Variants in GRK2 observed in about 807,000 individuals in gnomAD.
GRK2 encodes the protein adrenergic beta receptor kinase 1.
In GRK2, 23 loss-of-function variants were observed where a neutral mutation model predicts 97.8. The observed-to-expected ratio is 0.24, with a 90% confidence interval of 0.17 to 0.33. The LOEUF is 0.33. Ranked by LOEUF, GRK2 falls within the 10% of genes least tolerant of loss-of-function variation. The pLI is 1.00. For missense variants in GRK2, 633 were observed against 956.9 expected (o/e 0.66, Z 4.47); for synonymous variants, 425 against 381.7 (o/e 1.11, Z -1.32).
Position 67,284,216 on chromosome 11 carries a change from G to A in GRK2, c.1497G>A (p.Leu499=). ...GCCCCATCCACCTGGTAAAGTTACT[G>A]GACAGTGATCAGGAGCTCTACCGCA... ...DEEDTKGIKL[L]DSDQELYRNF... is the part of the protein sequence containing the mutation. The change falls in exon 18 of 21, where the codon CTG becomes CTA. Residue 499 remains leucine, a synonymous_variant. Transcript: ENST00000308595. The A allele has an allele frequency of 6.2e-7, 1 of 1,613,652 alleles. No homozygotes were observed. The highest frequency in any genetic ancestry group is 8.5e-7 in the Non-Finnish European group (1 of 1,179,988).
At position 67,286,048 on chromosome 11, in the gene GRK2, GC is replaced by G. The variant is rs1468966031; in HGVS notation, c.*599del. 3.5e-6 allele frequency: 1 copy of G among 288,608 alleles called. No individual in the cohort carries two copies. The highest frequency in any genetic ancestry group is 2.3e-5 in the African/African-American group (1 of 44,350). The allele number at this position is 288,608 out of a possible 1,614,324, so 17.9% of individuals were successfully genotyped here. A position where few individuals can be genotyped will look rare whatever the true frequency, so the allele number is the denominator to read the frequency against. On this transcript the variant is annotated 3_prime_UTR_variant, in exon 21 of 21. Coordinates refer to ENST00000308595, the MANE Select transcript of GRK2 (RefSeq NM_001619.5). ...CACTTCCCTGACACTGCGGGGCTTG[GC>G]TGAGAGAGTGGCATTGGCAGCAGGT...
In GRK2 at chr11:67,281,317, GCTCCTCTGGCCCCAGCC is replaced by G; in HGVS notation, c.648-137_648-121del. 9.3e-7 allele frequency: 1 copy of G among 1,076,250 alleles called. No individual in the cohort carries two copies. The highest frequency in any genetic ancestry group is 2.0e-5 in the Admixed American group (1 of 49,174). 66.7% of individuals were successfully genotyped at this position (1,076,250 alleles called of 1,614,324 possible). A position where few individuals can be genotyped will look rare whatever the true frequency, so the allele number is the denominator to read the frequency against. Reference sequence around the variant, plus strand: ...TCTTGCCGTGCTGTTACCCCCGCAGGCTCCTCTGGCCCCAGCCCTCCCTGTCTCTGATTTGTGTCACA... The same window carrying G: ...TCTTGCCGTGCTGTTACCCCCGCAGGCTCCCTGTCTCTGATTTGTGTCACA... On this transcript the variant is annotated intron_variant, in intron 8 of 20. Coordinates refer to ENST00000308595, the MANE Select transcript of GRK2 (RefSeq NM_001619.5). The surrounding 1 kb of genome is among the most constrained non-coding windows in gnomAD (Gnocchi z 5.7).
intron 6 of GRK2, chr11:67,280,276 C>T (rs780219571): frequency 1.0e-4 from 39 of 383,526 alleles, no homozygotes; most frequent in South Asian, 1.6e-4. Context: ...CCCCCGTGAC[C>T]CTCACAGCCA....
At position 67,273,879 on chromosome 11, in the gene GRK2, AGGTTCCCCT is replaced by A. The variant is rs945414253; in HGVS notation, c.114-3390_114-3382del. ...GGGAAGGAGAAAGGGCCTGCCCGGC[AGGTTCCCCT>A]GGCTGTCGCAGGCAGGGAACCAAGC... On this transcript the variant is annotated intron_variant, in intron 1 of 20. Coordinates refer to ENST00000308595, the MANE Select transcript of GRK2 (RefSeq NM_001619.5). 2.8e-4 allele frequency among the ~76,000 whole-genome samples: 42 copies of A among 152,166 alleles called. 1 individual carries two copies. The South Asian group carries it at 8.3e-3, about 30-fold the overall frequency.
Position 67,281,519 on chromosome 11 carries a change from C to T in GRK2, c.708C>T (p.Ala236=), listed in dbSNP as rs779656272. ...AGATGAAGCAGGGGGAGACCCTGGC[C>T]CTGAACGAGCGCATCATGCTCTCGC... ...RIKMKQGETL[A]LNERIMLSLV... Residue 236 remains alanine, a synonymous_variant, in exon 9 of 21, where the codon GCC becomes GCT. Transcript: ENST00000308595. The surrounding 1 kb of genome is among the most constrained non-coding windows in gnomAD (Gnocchi z 5.7). 6 of 1,613,510 alleles carry T rather than the reference C, an allele frequency of 3.7e-6. No homozygotes were observed. The Admixed American group carries it at 1.0e-4, about 27-fold the overall frequency.
chr11:67,286,095 C>T lies in GRK2; in HGVS notation c.*645C>T, dbSNP rs1477255027. 4 of 393,812 alleles carry T rather than the reference C, an allele frequency of 1.0e-5. No individual in the cohort carries two copies. The highest frequency in any genetic ancestry group is 2.1e-5 in the African/African-American group (1 of 46,948). 24.4% of individuals were successfully genotyped at this position (393,812 alleles called of 1,614,324 possible). ...CAGGTGCTGCTACCCTCCCTGCTGT[C>T]CCCTCTTGCCCCAACCCCCAGCACC... On this transcript the variant is annotated 3_prime_UTR_variant, in exon 21 of 21. Coordinates refer to ENST00000308595, the MANE Select transcript of GRK2 (RefSeq NM_001619.5).
intron 1 of GRK2, among the ~76,000 whole-genome samples, chr11:67,274,557 C>T (rs1261311206): frequency 8.9e-6 from 1 of 111,920 alleles, no homozygotes; most frequent in East Asian, 2.9e-4. Context: ...ACCAAAATGT[C>T]CTGGCCCACC....
chr11:67,282,378 C>G lies in GRK2; in HGVS notation c.1052+13C>G. 6.2e-7 allele frequency: 1 copy of G among 1,612,546 alleles called. No individual in the cohort carries two copies. The highest frequency in any genetic ancestry group is 1.7e-5 in the Admixed American group (1 of 60,026). ...CCCATGCCAGCGTGTGAGTGCCCCC[C>G]ACCCTCTCCCTCCCCACCCCTTGCC... On this transcript the variant is annotated intron_variant, in intron 12 of 20. Transcript: ENST00000308595. The surrounding 1 kb of genome is among the most constrained non-coding windows in gnomAD (Gnocchi z 6.9).
chr11:67,283,034 C>A, intron 14 of GRK2, 94 bp from the exon 15 acceptor site: 1 of 1,327,184 alleles, frequency 7.5e-7, no homozygotes, highest in Non-Finnish European at 1.1e-6. Flanking sequence ...CCCATCTGTC[C>A]CTCTGCGGGG....
Position 67,282,862 on chromosome 11 carries a change from G to A in GRK2, c.1227+44G>A, listed in dbSNP as rs1860185762. ...GCAGGGCCGCAGGGGGCTGGGGGGAGCTCCTGTGGGTGCCAGGCCATGACT... is the reference window on the plus strand; with the variant it reads ...GCAGGGCCGCAGGGGGCTGGGGGGAACTCCTGTGGGTGCCAGGCCATGACT... On this transcript the variant is annotated intron_variant, in intron 14 of 20. Transcript: ENST00000308595. This position sits in a 1 kb window ranked among gnomAD's most constrained non-coding sequence, Gnocchi z 6.9. The A allele has an allele frequency of 1.3e-6, 2 of 1,570,162 alleles. No individual in the cohort carries two copies. The highest frequency in any genetic ancestry group is 1.7e-6 in the Non-Finnish European group (2 of 1,157,666).
In GRK2 at chr11:67,281,370, G is replaced by C. The variant is rs1289213702; in HGVS notation, c.648-89G>C. On this transcript the variant is annotated intron_variant, in intron 8 of 20. Transcript: ENST00000308595. The surrounding 1 kb of genome is among the most constrained non-coding windows in gnomAD (Gnocchi z 5.7). ...CTGATTTGTGTCACACGCTGGTCCT[G>C]GGTCTAGTCTTTCCCTCAAGCGCCC... The C allele has an allele frequency of 2.3e-6, 3 of 1,287,918 alleles. No homozygotes were observed. Among genetic ancestry groups the C allele is most frequent in the Non-Finnish European group, 3.3e-6 (3 of 897,920 alleles). 79.8% of individuals were successfully genotyped at this position (1,287,918 alleles called of 1,614,324 possible).
chr11:67,283,036 T>C, intron 14 of GRK2, 92 bp from the exon 15 acceptor site: 2 of 1,348,434 alleles, frequency 1.5e-6, no homozygotes, highest in Admixed American at 1.7e-5. Flanking sequence ...CATCTGTCCC[T>C]CTGCGGGGGC....
In GRK2 at chr11:67,284,317, C is replaced by T; in HGVS notation, c.1598C>T (p.Thr533Ile). The T allele has an allele frequency of 6.2e-7, 1 of 1,613,348 alleles. No individual in the cohort carries two copies. The highest frequency in any genetic ancestry group is 8.5e-7 in the Non-Finnish European group (1 of 1,179,998). The change falls in exon 18 of 21, where the codon ACA becomes ATA. Residue 533 changes from threonine to isoleucine, a missense_variant. Around this residue, in one of 4 missense-constraint regions of GRK2, gnomAD observed 180 missense variants for 311.3 expected, o/e 0.58. Coordinates refer to ENST00000308595, the MANE Select transcript of GRK2 (RefSeq NM_001619.5). ...GTCTTCGACACCATCAACGCTGAGACAGACCGGCTGGAGGCTCGCAAGAAA... is the reference window on the plus strand; with the variant it reads ...GTCTTCGACACCATCAACGCTGAGATAGACCGGCTGGAGGCTCGCAAGAAA... ...ETVFDTINAETDRLEARKKAK... is the reference protein window; with the variant it reads ...ETVFDTINAEIDRLEARKKAK...
rs1208558455 is a variant in GRK2 at position 67,286,036 on chromosome 11, C to T, written c.*586C>T. 3.5e-6 allele frequency: 1 copy of T among 283,216 alleles called. No individual in the cohort carries two copies. Among genetic ancestry groups the T allele is most frequent in the African/African-American group, 2.3e-5 (1 of 43,982 alleles). 17.5% of individuals were successfully genotyped at this position (283,216 alleles called of 1,614,324 possible). A position where few individuals can be genotyped will look rare whatever the true frequency, so the allele number is the denominator to read the frequency against. On this transcript the variant is annotated 3_prime_UTR_variant, in exon 21 of 21. Transcript: ENST00000308595. ...TGCCTCCACTCCCACTTCCCTGACA[C>T]TGCGGGGCTTGGCTGAGAGAGTGGC... is the stretch of plus-strand genomic sequence containing the variant.
At position 67,282,804 on chromosome 11, in the gene GRK2, A is replaced by C. The variant is rs773412797; in HGVS notation, c.1213A>C (p.Met405Leu). ...CAAAGACAAGCATGAGATCGACCGC[A>C]TGACGCTGACGATGGTGGGTGCAGG... Reference protein sequence around the residue: ...KTKDKHEIDRMTLTMAVELPD... With the variant: ...KTKDKHEIDRLTLTMAVELPD... Residue 405 changes from methionine to leucine, a missense_variant, in exon 14 of 21, where the codon ATG (methionine) becomes CTG (leucine). By Grantham distance (15) the Met-to-Leu change is conservative. Coordinates refer to ENST00000308595, the MANE Select transcript of GRK2 (RefSeq NM_001619.5). This position sits in a 1 kb window ranked among gnomAD's most constrained non-coding sequence, Gnocchi z 6.9. The C allele has an allele frequency of 6.2e-7, 1 of 1,610,084 alleles. No individual in the cohort carries two copies. The highest frequency in any genetic ancestry group is 2.2e-5 in the East Asian group (1 of 44,850).
Position 67,285,281 on chromosome 11 carries a change from T to C in GRK2, c.1906-5T>C. On this transcript the variant is annotated splice_region_variant and splice_polypyrimidine_tract_variant and intron_variant, in intron 20 of 20. Coordinates refer to ENST00000308595, the MANE Select transcript of GRK2 (RefSeq NM_001619.5). ...AGCTGACAGAGCTGGGCTTGGCATG[T>C]GCAGAGCGACCCTGAGCTGGTGCAG... 6.2e-7 allele frequency: 1 copy of C among 1,608,894 alleles called. No individual in the cohort carries two copies. Among genetic ancestry groups the C allele is most frequent in the Non-Finnish European group, 8.5e-7 (1 of 1,177,804 alleles).
intron 2 of GRK2, 73 bp from the exon 3 acceptor site, chr11:67,279,127 C>T (rs1474763763): frequency 1.5e-6 from 2 of 1,357,370 alleles, no homozygotes; most frequent in Non-Finnish European, 2.1e-6. Context: ...GGGAGCCCAA[C>T]CCACACCATC....
intron 17 of GRK2, 37 bp from the exon 18 acceptor site, chr11:67,284,174 T>TC (rs761520445): frequency 3.1e-5 from 50 of 1,611,454 alleles, no homozygotes; most frequent in South Asian, 2.7e-4. Flanking sequence ...GGCATCTCTG[T>TC]CCACCCATGT....
At chr11:67,266,977 G>C (rs1224403773) in intron 1 of GRK2, among the ~76,000 whole-genome samples, 165 bp downstream of exon 1, 1 of 151,456 alleles carries the variant, frequency 6.6e-6, no homozygotes, top group Non-Finnish European at 1.5e-5. Context: ...TGGCGCCTGC[G>C]GGTCCAGACC....
Sources: gnomAD v4.1 joint callset for allele counts (sites outside exome capture counted in the v4.1 genomes callset) on GRCh38, gnomAD v4.1.1 for gene constraint, gnomAD v4.1.1 regional missense constraint, Gnocchi (gnomAD v3.1) non-coding constraint, MANE v1.5 for transcripts, NCBI Gene and HGNC (gene_info 2026-07-23, HGNC 2026-07-21) for gene names.